Variants in ADAM32 observed in about 807,000 individuals in gnomAD.
ADAM32 encodes the protein disintegrin and metalloproteinase domain-containing protein 32.
In ADAM32, 89 loss-of-function variants were observed where a neutral mutation model predicts 114.9. That is an observed-to-expected ratio of 0.77 (90% CI 0.65 to 0.92). The LOEUF (loss-of-function observed/expected upper bound fraction) is 0.92, where lower values mean the gene tolerates loss of function less well. Among genes scored for constraint, ADAM32 ranks in the 40% least tolerant of loss-of-function variants. The pLI is 0.00. For missense variants in ADAM32, 870 were observed against 932.8 expected (o/e 0.93, Z 0.88); for synonymous variants, 285 against 307.5 (o/e 0.93, Z 0.77).
intron 6 of ADAM32, among the ~76,000 whole-genome samples, chr8:39,156,019 T>A (rs1804126699): frequency 6.6e-6 from 1 of 152,208 alleles, no homozygotes; most frequent in Non-Finnish European, 1.5e-5. Flanking sequence ...TTAAGCTATG[T>A]TAATGATAAT....
intron 17 of ADAM32, among the ~76,000 whole-genome samples, chr8:39,247,943 GTCTT>G (rs1811036978): frequency 6.6e-6 from 1 of 151,736 alleles, no homozygotes; most frequent in Non-Finnish European, 1.5e-5. Flanking sequence ...AATTGTTGAA[GTCTT>G]TCTTTTCTCT....
intron 5 of ADAM32, among the ~76,000 whole-genome samples, chr8:39,151,103 A>G (rs551094617): frequency 9.2e-5 from 14 of 152,232 alleles, no homozygotes; most frequent in Non-Finnish European, 1.9e-4. Flanking sequence ...TTGGAAAACA[A>G]TAGAATTACT....
chr8:39,257,192 A>C lies in ADAM32; in HGVS notation c.2011A>C (p.Ile671Leu). The C allele has an allele frequency of 1.3e-6, 2 of 1,573,944 alleles. No individual in the cohort carries two copies. Among genetic ancestry groups the C allele is most frequent in the East Asian group, 4.5e-5 (2 of 44,182 alleles). ...SIFPEEDMGS[I>L]MERASGKTEN... ...TTTTGTATTTCTGTTTTTAGGTTCAATCATGGAAAGAGCATCTGGGAAGAC... is the reference window on the plus strand; with the variant it reads ...TTTTGTATTTCTGTTTTTAGGTTCACTCATGGAAAGAGCATCTGGGAAGAC... Residue 671 changes from isoleucine to leucine, a missense_variant, in exon 19 of 25, where the codon ATC (isoleucine) becomes CTC (leucine). Physicochemically the swap from Ile to Leu is conservative, Grantham distance 5 (BLOSUM62 2). Coordinates refer to ENST00000379907, the MANE Select transcript of ADAM32 (RefSeq NM_145004.7).
intron 19 of ADAM32, among the ~76,000 whole-genome samples, chr8:39,269,676 T>A (rs1247180111): frequency 6.6e-6 from 1 of 152,228 alleles, no homozygotes. Context: ...CATGTTTTAG[T>A]GTAGTGTTGA....
At chr8:39,166,012 AG>A (rs1804811393) in intron 9 of ADAM32, 1 of 152,012 alleles carries the variant, frequency 6.6e-6, no homozygotes. Flanking sequence ...ATAATTTGTA[AG>A]GGTTTTTAAA....
chr8:39,240,774 T>C (rs1810502509), intron 16 of ADAM32, among the ~76,000 whole-genome samples: 1 of 152,130 alleles, frequency 6.6e-6, no homozygotes, highest in South Asian at 2.1e-4. Context: ...CATGGTTCAA[T>C]TACCTTCCAA....
chr8:39,169,706 C>G (rs868705759), intron 9 of ADAM32: 24 of 397,504 alleles, frequency 6.0e-5, no homozygotes, highest in African/African-American at 4.5e-4. Context: ...AGATATGTTT[C>G]AGATATCAAG....
At chr8:39,279,380 G>A (rs1813283069) in intron 22 of ADAM32, among the ~76,000 whole-genome samples, 1 of 152,164 alleles carries the variant, frequency 6.6e-6, no homozygotes, top group Non-Finnish European at 1.5e-5. Context: ...CATCTCCTGG[G>A]TTCAGGCAAT....
intron 11 of ADAM32, among the ~76,000 whole-genome samples, chr8:39,201,902 T>C (rs1368441387): frequency 6.6e-6 from 1 of 152,228 alleles, no homozygotes; most frequent in Admixed American, 6.5e-5. Context: ...GTTTTTGTCT[T>C]TGGTTCTGTT....
At chr8:39,120,287 T>A (rs4419781) in intron 2 of ADAM32, among the ~76,000 whole-genome samples, 5 of 151,936 alleles carry the variant, frequency 3.3e-5, no homozygotes, top group Admixed American at 1.3e-4. Context: ...AGAAGACTGG[T>A]GAAGTACATG....
At chr8:39,120,418 A>C (rs1840543181) in intron 2 of ADAM32, among the ~76,000 whole-genome samples, 1 of 152,192 alleles carries the variant, frequency 6.6e-6, no homozygotes. Flanking sequence ...GTCTTAGGGA[A>C]TATACATATC....
intron 16 of ADAM32, among the ~76,000 whole-genome samples, chr8:39,238,251 G>C (rs765455322): frequency 3.9e-5 from 6 of 152,184 alleles, no homozygotes; most frequent in Non-Finnish European, 5.9e-5. Context: ...CCACATCACA[G>C]GATTCTTTGC....
At chr8:39,231,890 C>T in intron 14 of ADAM32, 137 bp from the exon 15 acceptor site, 3 of 702,784 alleles carry the variant, frequency 4.3e-6, no homozygotes, top group Non-Finnish European at 7.0e-6. Flanking sequence ...ACTTTTTATT[C>T]TTTCCTTACA....
intron 3 of ADAM32, among the ~76,000 whole-genome samples, chr8:39,142,799 T>G (rs920202303): frequency 6.6e-6 from 1 of 152,208 alleles, no homozygotes; most frequent in Non-Finnish European, 1.5e-5. Context: ...GAAGAGTGTA[T>G]TCTATCTTGG....
chr8:39,130,956 CTT>C (rs71218310), intron 2 of ADAM32: 7,679 of 321,836 alleles, frequency 0.024, no homozygotes, highest in Middle Eastern at 0.042. Flanking sequence ...AGGAGGATGT[CTT>C]TTTTTTTTTT....
intron 1 of ADAM32, among the ~76,000 whole-genome samples, chr8:39,109,839 T>G (rs1840082404): frequency 6.6e-6 from 1 of 152,204 alleles, no homozygotes; most frequent in African/African-American, 2.4e-5. Flanking sequence ...CATTGTAGTA[T>G]TATACAGAAT....
chr8:39,133,088 C>T (rs1211508648), intron 2 of ADAM32, among the ~76,000 whole-genome samples: 3 of 152,054 alleles, frequency 2.0e-5, no homozygotes, highest in African/African-American at 7.2e-5. Context: ...GTTTGTTCTC[C>T]CAAACCTCAT....
At chr8:39,154,802 C>CT (rs894376155) in intron 6 of ADAM32, among the ~76,000 whole-genome samples, 118 of 149,786 alleles carry the variant, frequency 7.9e-4, no homozygotes, top group African/African-American at 2.5e-3. Context: ...GGATGATGAG[C>CT]TTTTTTTTTC....
At chr8:39,243,692 T>G (rs190142839) in intron 16 of ADAM32, among the ~76,000 whole-genome samples, 2 of 152,306 alleles carry the variant, frequency 1.3e-5, no homozygotes, top group Admixed American at 1.3e-4. Context: ...AGGGAAAAGT[T>G]GAAAGCATTT....
Sources: allele counts gnomAD v4.1 joint callset (sites outside exome capture counted in the v4.1 genomes callset), GRCh38; gene constraint gnomAD v4.1.1; transcripts MANE v1.5; gene names NCBI Gene and HGNC (gene_info 2026-07-23, HGNC 2026-07-21).